The following IGSF11 variants were observed in gnomAD, a reference collection of about 807,000 sequenced individuals.
IGSF11 encodes the protein CXADR like 1.
IGSF11 carries 22 observed loss-of-function variants against 41.0 expected under a neutral mutation model. The observed-to-expected ratio is 0.54, with a 90% CI of 0.38 to 0.77. The LOEUF is 0.77. Among genes scored for constraint, IGSF11 ranks in the 30% least tolerant of loss-of-function variants. IGSF11 has a pLI of 0.00. For synonymous variants in IGSF11, 219 were observed against 201.3 expected, an observed-to-expected ratio of 1.09 and a Z score of -0.74; for missense variants, 444 against 530.8, an observed-to-expected ratio of 0.84 and a Z score of 1.61.
chr3:119,043,377 C>A (rs1200579551), intron 1 of IGSF11, among the ~76,000 whole-genome samples: 1 of 152,114 alleles, frequency 6.6e-6, no homozygotes, highest in Non-Finnish European at 1.5e-5. Context: ...CGGGTGTGAG[C>A]TAAGTTGCAA....
intron 1 of IGSF11, among the ~76,000 whole-genome samples, chr3:118,953,279 T>G (rs919295381): frequency 6.6e-6 from 1 of 152,214 alleles, no homozygotes; most frequent in Non-Finnish European, 1.5e-5. Context: ...TACCACAATT[T>G]CTTTATCCAC....
intron 4 of IGSF11, among the ~76,000 whole-genome samples, chr3:118,925,193 A>G (rs1319974757): frequency 6.6e-6 from 1 of 152,168 alleles, no homozygotes; most frequent in Non-Finnish European, 1.5e-5. Context: ...ATAGGCTCTT[A>G]AGAGGCTTGT....
At chr3:119,016,716 G>C (rs1265171871) in intron 1 of IGSF11, among the ~76,000 whole-genome samples, 1 of 152,130 alleles carries the variant, frequency 6.6e-6, no homozygotes, top group Non-Finnish European at 1.5e-5. Flanking sequence ...ACAGGAACTA[G>C]CAACGCTCCT....
intron 1 of IGSF11, among the ~76,000 whole-genome samples, chr3:119,136,193 C>T (rs570015075): frequency 1.3e-5 from 2 of 151,890 alleles, no homozygotes; most frequent in East Asian, 1.9e-4. Context: ...GCACATGTAC[C>T]CTAGTACTTA....
chr3:119,013,331 C>A (rs1938345082), intron 1 of IGSF11: 1 of 152,232 alleles, frequency 6.6e-6, no homozygotes, highest in African/African-American at 2.4e-5. Flanking sequence ...TCAACATATT[C>A]ATTTGTATAA....
intron 6 of IGSF11, among the ~76,000 whole-genome samples, chr3:118,903,409 A>G (rs1939169619): frequency 6.6e-6 from 1 of 152,084 alleles, no homozygotes; most frequent in African/African-American, 2.4e-5. Context: ...TATTTACTGT[A>G]AGTAGGAAAT....
At chr3:118,916,288 T>TCG (rs1392478312) in intron 4 of IGSF11, among the ~76,000 whole-genome samples, 1 of 151,774 alleles carries the variant, frequency 6.6e-6, no homozygotes, top group African/African-American at 2.4e-5. Flanking sequence ...GACTAAATGC[T>TCG]CCAATTAAAA....
intron 4 of IGSF11, among the ~76,000 whole-genome samples, chr3:118,922,587 C>A (rs1333666281): frequency 6.6e-6 from 1 of 152,140 alleles, no homozygotes; most frequent in Non-Finnish European, 1.5e-5. Context: ...ATTTCCCCCA[C>A]TCCCCAGCCC....
intron 1 of IGSF11, among the ~76,000 whole-genome samples, chr3:119,067,032 C>G (rs986290121): frequency 6.6e-6 from 1 of 152,112 alleles, no homozygotes; most frequent in Non-Finnish European, 1.5e-5. Context: ...CCACATGTGG[C>G]CCGAGCATAA....
chr3:119,076,278 T>A (rs1415476491), intron 1 of IGSF11, among the ~76,000 whole-genome samples: 3 of 152,188 alleles, frequency 2.0e-5, no homozygotes, highest in Non-Finnish European at 4.4e-5. Context: ...AATTAAAGAC[T>A]TAAATGTTAG....
At chr3:118,912,648 C>A (rs78234023) in intron 4 of IGSF11, among the ~76,000 whole-genome samples, 1,633 of 152,180 alleles carry the variant, frequency 0.011, 32 homozygotes, top group East Asian at 0.065. Flanking sequence ...CCAGGTGAAG[C>A]GTTCACATGA....
At chr3:119,021,287 C>T (rs1295970961) in intron 1 of IGSF11, among the ~76,000 whole-genome samples, 1 of 151,976 alleles carries the variant, frequency 6.6e-6, no homozygotes, top group Non-Finnish European at 1.5e-5. Context: ...GATTAAAAAA[C>T]TTAACCTCAA....
At chr3:118,908,802 A>T (rs1169780397) in intron 4 of IGSF11, among the ~76,000 whole-genome samples, 1 of 152,202 alleles carries the variant, frequency 6.6e-6, no homozygotes, top group Non-Finnish European at 1.5e-5. Context: ...TTAGTTCCAG[A>T]ATGCTGCCTC....
Position 119,058,071 on chromosome 3 carries a change from T to A in IGSF11, c.49+47073A>T, listed in dbSNP as rs1379750647. On this transcript the variant is annotated intron_variant, in intron 1 of 6. Coordinates refer to the IGSF11 transcript ENST00000354673. The stretch of plus-strand genomic sequence containing the variant: ...TCAGGACATATGCTTGGGCAAGGAC[T>A]TCATGTCTAAAACACCAAAAGCAAT... Among the ~76,000 whole-genome samples the A allele has an allele frequency of 3.9e-5, 6 of 152,304 alleles. No individual in the cohort carries two copies. In the East Asian group the frequency reaches 1.2e-3, roughly 29 times the overall value.
chr3:119,142,648 A>T (rs966730391), intron 1 of IGSF11, among the ~76,000 whole-genome samples: 3 of 152,112 alleles, frequency 2.0e-5, no homozygotes, highest in Non-Finnish European at 4.4e-5. Flanking sequence ...GAGCTCCAGA[A>T]AAAGAGGAGA....
At chr3:119,099,531 T>C (rs1437570237) in intron 1 of IGSF11, among the ~76,000 whole-genome samples, 1 of 152,018 alleles carries the variant, frequency 6.6e-6, no homozygotes, top group Admixed American at 6.6e-5. Context: ...ACTTAAATCA[T>C]CAACAAAAAA....
At chr3:119,088,234 C>T (rs993340853) in intron 1 of IGSF11, among the ~76,000 whole-genome samples, 7 of 122,796 alleles carry the variant, frequency 5.7e-5, no homozygotes, top group Non-Finnish European at 9.9e-5. Context: ...CTGTGGACCA[C>T]GGTGAAAAAA....
intron 1 of IGSF11, among the ~76,000 whole-genome samples, chr3:118,994,575 T>G (rs6773729): frequency 0.35 from 52,616 of 152,032 alleles, 11,207 homozygotes; most frequent in African/African-American, 0.59. Context: ...GGAGGATCAC[T>G]TAAGCCTGGG....
intron 1 of IGSF11, among the ~76,000 whole-genome samples, chr3:119,104,830 CT>C (rs1382636722): frequency 2.0e-5 from 3 of 152,108 alleles, no homozygotes; most frequent in Admixed American, 6.6e-5. Flanking sequence ...CCCATCATAG[CT>C]CTTAACACAG....
Sources: allele counts gnomAD v4.1 joint callset (sites outside exome capture counted in the v4.1 genomes callset), GRCh38; gene constraint gnomAD v4.1.1; transcripts MANE v1.5; gene names NCBI Gene and HGNC (gene_info 2026-07-23, HGNC 2026-07-21).